ATP6V1A: variants seen among roughly 807,000 people sequenced by gnomAD.
ATP6V1A encodes V-type proton ATPase catalytic subunit A.
ATP6V1A carries 18 observed loss-of-function variants against 70.1 expected under a neutral mutation model. That is an observed-to-expected ratio of 0.26 (90% CI 0.18 to 0.38). The LOEUF is 0.38. ATP6V1A is among the 10% of genes least tolerant of loss of function. The pLI is 1.00. For missense variants in ATP6V1A, 424 were observed against 772.4 expected (o/e 0.55, Z 5.35); for synonymous variants, 232 against 253.8 (o/e 0.91, Z 0.82).
intron 1 of ATP6V1A, among the ~76,000 whole-genome samples, chr3:113,753,330 A>G (rs531993993): frequency 3.9e-5 from 6 of 152,338 alleles, no homozygotes; most frequent in Non-Finnish European, 5.9e-5. Flanking sequence ...ATCTCATAAA[A>G]TGCTAGCGGA....
intron 12 of ATP6V1A, among the ~76,000 whole-genome samples, chr3:113,798,795 A>G (rs548778201): frequency 1.4e-4 from 21 of 152,324 alleles, no homozygotes; most frequent in Admixed American, 3.9e-4. Context: ...TATTGGCCTT[A>G]AACAGGTGAG....
At chr3:113,790,287 A>G (rs1709077485) in intron 8 of ATP6V1A, among the ~76,000 whole-genome samples, 1 of 142,026 alleles carries the variant, frequency 7.0e-6, no homozygotes, top group African/African-American at 2.7e-5. Flanking sequence ...TGAGCGACAG[A>G]GCAAGACTCT....
chr3:113,765,617 A>G (rs1038545955), intron 1 of ATP6V1A, among the ~76,000 whole-genome samples: 2 of 146,798 alleles, frequency 1.4e-5, no homozygotes, highest in Non-Finnish European at 3.0e-5. Flanking sequence ...AAAAACAAAA[A>G]AGAGAGAGAG....
intron 1 of ATP6V1A, among the ~76,000 whole-genome samples, chr3:113,766,476 G>A (rs954350224): frequency 1.3e-5 from 2 of 152,030 alleles, no homozygotes; most frequent in African/African-American, 4.8e-5. Context: ...TTAATTTTTT[G>A]TAGGGACAAG....
intron 1 of ATP6V1A, among the ~76,000 whole-genome samples, chr3:113,750,777 C>T (rs567298859): frequency 3.9e-5 from 6 of 152,144 alleles, no homozygotes; most frequent in African/African-American, 1.4e-4. Context: ...ATTTTATATA[C>T]TGAATTTCTA....
chr3:113,770,396 G>A (rs1354514278), intron 1 of ATP6V1A, among the ~76,000 whole-genome samples: 2 of 152,060 alleles, frequency 1.3e-5, no homozygotes, highest in African/African-American at 4.8e-5. Flanking sequence ...TAGCTGTATA[G>A]GCCGGGCACG....
At chr3:113,779,294 TG>T (rs1274724104) in intron 2 of ATP6V1A, 1 of 152,164 alleles carries the variant, frequency 6.6e-6, no homozygotes, top group Non-Finnish European at 1.5e-5. Flanking sequence ...ACTTTTTGAA[TG>T]GTTATTTTAA....
intron 6 of ATP6V1A, among the ~76,000 whole-genome samples, chr3:113,788,403 C>T (rs1400407276): frequency 2.0e-5 from 3 of 151,816 alleles, no homozygotes; most frequent in South Asian, 2.1e-4. Flanking sequence ...GGCGCGATCT[C>T]GGCTCATTGC....
rs11375661 is a variant in ATP6V1A at position 113,753,693 on chromosome 3, C to CTT, written c.-14+6596_-14+6597dup. On this transcript the variant is annotated intron_variant, in intron 1 of 14. Coordinates refer to ENST00000273398, the MANE Select transcript of ATP6V1A (RefSeq NM_001690.4). ...TTCTGAAAGGATTTCTATCATGTGT[C>CTT]TTTTTTTTTTTTTTTTTCCTGAGAC... 1.3e-3 allele frequency among the ~76,000 whole-genome samples: 183 copies of CTT among 141,078 alleles called. 7 individuals carry two copies. The highest frequency in any genetic ancestry group is 4.1e-3 in the East Asian group (20 of 4,846). 92.6% of individuals were successfully genotyped at this position (141,078 alleles called of 152,430 possible).
At chr3:113,805,147 C>T (rs979448841) in intron 13 of ATP6V1A, among the ~76,000 whole-genome samples, 12 of 152,122 alleles carry the variant, frequency 7.9e-5, no homozygotes, top group African/African-American at 2.9e-4. Flanking sequence ...TCTTCTATCC[C>T]ATATCCTGAG....
chr3:113,796,048 C>G (rs1036488197), intron 11 of ATP6V1A, 109 bp downstream of exon 11: 23 of 955,802 alleles, frequency 2.4e-5, no homozygotes, highest in Non-Finnish European at 3.4e-5. Flanking sequence ...AATTTAGTCT[C>G]TAAAGGATAG....
chr3:113,784,920 AT>A (rs1262571966), intron 5 of ATP6V1A, 87 bp downstream of exon 5: 1 of 1,347,730 alleles, frequency 7.4e-7, no homozygotes, highest in South Asian at 1.6e-5. Flanking sequence ...TAATTAAAGA[AT>A]TGATATTTAA....
At chr3:113,776,033 T>G (rs548180833) in intron 1 of ATP6V1A, among the ~76,000 whole-genome samples, 30 of 152,296 alleles carry the variant, frequency 2.0e-4, no homozygotes, top group Admixed American at 1.5e-3. Flanking sequence ...CTTAATGGCT[T>G]CTTCTACTGT....
At chr3:113,753,966 A>G (rs1395342116) in intron 1 of ATP6V1A, among the ~76,000 whole-genome samples, 4 of 152,112 alleles carry the variant, frequency 2.6e-5, no homozygotes, top group African/African-American at 9.7e-5. Flanking sequence ...TGTAATGATA[A>G]CTCATTTTTT....
intron 1 of ATP6V1A, among the ~76,000 whole-genome samples, chr3:113,766,417 C>T (rs190336920): frequency 3.3e-5 from 5 of 152,258 alleles, no homozygotes; most frequent in Admixed American, 3.3e-4. Flanking sequence ...ACTTCAACCT[C>T]CTAAGTAGCT....
chr3:113,807,456 C>T (rs1709289017), intron 14 of ATP6V1A, among the ~76,000 whole-genome samples: 1 of 152,152 alleles, frequency 6.6e-6, no homozygotes, highest in Non-Finnish European at 1.5e-5. Context: ...GCTGGGATTA[C>T]AGACATGAGC....
intron 1 of ATP6V1A, among the ~76,000 whole-genome samples, chr3:113,767,551 C>A (rs903091755): frequency 1.3e-5 from 2 of 152,006 alleles, no homozygotes; most frequent in African/African-American, 4.8e-5. Context: ...AGGCTTCTAG[C>A]GTATACATTG....
Position 113,803,354 on chromosome 3 carries a change from C to A in ATP6V1A, c.1495-229C>A, listed in dbSNP as rs1480176857. The A allele has an allele frequency of 1.8e-5, 8 of 433,206 alleles. No individual in the cohort carries two copies. The East Asian group carries it at 3.2e-4, about 17-fold the overall frequency. The allele number at this position is 433,206 out of a possible 1,614,324, so 26.8% of individuals were successfully genotyped here. ...TTTGTTTCACAGTAATGTGAGTATA[C>A]CTAACACTGTTACACTGTATAATTA... is the stretch of plus-strand genomic sequence containing the variant. On this transcript the variant is annotated intron_variant, in intron 12 of 14. Coordinates refer to ENST00000273398, the MANE Select transcript of ATP6V1A (RefSeq NM_001690.4).
rs1709003641 is a variant in ATP6V1A, at chr3:113,783,496, G to A, written c.212-728G>A. 3.3e-5 allele frequency among the ~76,000 whole-genome samples: 5 copies of A among 152,192 alleles called. No individual in the cohort carries two copies. In the South Asian group the frequency reaches 1.0e-3, roughly 32 times the overall value. ...TGTCCAAGTACTAATACCCTTATTAGGGGACTGATATTCCTCAGCAGCATA... is the reference window on the plus strand; with the variant it reads ...TGTCCAAGTACTAATACCCTTATTAAGGGACTGATATTCCTCAGCAGCATA... On this transcript the variant is annotated intron_variant, in intron 3 of 14. Coordinates refer to ENST00000273398, the MANE Select transcript of ATP6V1A (RefSeq NM_001690.4).
Sources: allele counts gnomAD v4.1 joint callset (sites outside exome capture counted in the v4.1 genomes callset), GRCh38; gene constraint gnomAD v4.1.1; transcripts MANE v1.5; gene names NCBI Gene and HGNC (gene_info 2026-07-23, HGNC 2026-07-21).